MRLN: variants seen among roughly 807,000 people sequenced by gnomAD.
MRLN encodes the protein myoregulin, also known as Linc-RNA activator of myogenesis.
intron 1 of MRLN, among the ~76,000 whole-genome samples, chr10:59,746,765 A>G (rs963993146): frequency 1.3e-5 from 2 of 152,224 alleles, no homozygotes; most frequent in Non-Finnish European, 2.9e-5. Flanking sequence ...CCCAGATCAC[A>G]ACTGTGAGCT....
intron 1 of MRLN, among the ~76,000 whole-genome samples, chr10:59,746,763 A>G (rs1018111736): frequency 2.6e-5 from 4 of 152,244 alleles, no homozygotes; most frequent in Non-Finnish European, 5.9e-5. Context: ...TGCCCAGATC[A>G]CAACTGTGAG....
rs1256290272 is a variant in MRLN at position 59,737,072 on chromosome 10, C to G, written c.129G>C (p.Val43=). The G allele has an allele frequency of 2.5e-6, 1 of 396,678 alleles. No homozygotes were observed. The highest frequency in any genetic ancestry group is 2.1e-5 in the African/African-American group (1 of 48,540). The allele number at this position is 396,678 out of a possible 1,614,324, so 24.6% of individuals were successfully genotyped here. A position where few individuals can be genotyped will look rare whatever the true frequency, so the allele number is the denominator to read the frequency against. ...GGAAGTCAGCTTTCTAAGAAGTTATCACAACATATATAATAGAAATTAAGT... is the reference window on the plus strand; with the variant it reads ...GGAAGTCAGCTTTCTAAGAAGTTATGACAACATATATAATAGAAATTAAGT... The part of the protein sequence containing the change: ...FVDLISIIYV[V]ITS Residue 43 remains valine, a synonymous_variant, in exon 3 of 3, where the codon GTG becomes GTC. Transcript: ENST00000414264.
chr10:59,741,212 TC>T (rs1184821630), intron 1 of MRLN, among the ~76,000 whole-genome samples: 1 of 152,146 alleles, frequency 6.6e-6, no homozygotes, highest in Non-Finnish European at 1.5e-5. Context: ...TACAGGAATG[TC>T]CTAGGCCTTC....
intron 1 of MRLN, among the ~76,000 whole-genome samples, chr10:59,746,855 C>T (rs527465249): frequency 2.0e-5 from 3 of 152,300 alleles, no homozygotes; most frequent in East Asian, 1.9e-4. Context: ...TCCAATGGCA[C>T]GATGTCGGCT....
chr10:59,742,141 CA>C (rs1262906474), intron 1 of MRLN, among the ~76,000 whole-genome samples: 2 of 152,280 alleles, frequency 1.3e-5, no homozygotes, highest in Middle Eastern at 6.8e-3. Context: ...GACACATATC[CA>C]AACATTGTAA....
intron 1 of MRLN, among the ~76,000 whole-genome samples, chr10:59,744,534 A>G (rs1171589): frequency 0.94 from 141,660 of 150,474 alleles, 66,849 homozygotes; most frequent in East Asian, 1. Flanking sequence ...GAGGTGGGGG[A>G]GCGCGCCTCT....
At chr10:59,740,349 C>T (rs766904135) in intron 1 of MRLN, among the ~76,000 whole-genome samples, 2 of 152,108 alleles carry the variant, frequency 1.3e-5, no homozygotes, top group East Asian at 1.9e-4. Flanking sequence ...AGAGTGCACT[C>T]CTTGTCCTTA....
chr10:59,752,246 C>A (rs573473166), intron 1 of MRLN, among the ~76,000 whole-genome samples: 1 of 152,150 alleles, frequency 6.6e-6, no homozygotes, highest in Non-Finnish European at 1.5e-5. Context: ...CCATCAAAAA[C>A]CATATTTGGA....
At chr10:59,747,937 A>G (rs1841058952) in intron 1 of MRLN, among the ~76,000 whole-genome samples, 2 of 152,354 alleles carry the variant, frequency 1.3e-5, no homozygotes, top group South Asian at 4.1e-4. Context: ...CCCGGCAAAT[A>G]ATTTTAAAAA....
chr10:59,741,770 C>T (rs1189739545), intron 1 of MRLN, among the ~76,000 whole-genome samples: 8 of 152,190 alleles, frequency 5.3e-5, no homozygotes, highest in African/African-American at 1.9e-4. Context: ...ACCTTGAACT[C>T]CTGGGCTCAT....
At chr10:59,741,976 G>A (rs527327506) in intron 1 of MRLN, among the ~76,000 whole-genome samples, 1 of 152,250 alleles carries the variant, frequency 6.6e-6, no homozygotes, top group South Asian at 2.1e-4. Flanking sequence ...CTGGCCTCAG[G>A]TGGTCCTCCC....
chr10:59,750,020 T>C (rs972137696), intron 1 of MRLN, among the ~76,000 whole-genome samples: 1 of 150,130 alleles, frequency 6.7e-6, no homozygotes, highest in African/African-American at 2.4e-5. Context: ...ACTGTGTTTC[T>C]CTTCTCTTCA....
At chr10:59,747,876 T>C (rs1453591123) in intron 1 of MRLN, among the ~76,000 whole-genome samples, 1 of 152,214 alleles carries the variant, frequency 6.6e-6, no homozygotes, top group Non-Finnish European at 1.5e-5. Flanking sequence ...AAGTTCACTT[T>C]GTCCAAATGA....
intron 1 of MRLN, among the ~76,000 whole-genome samples, chr10:59,745,790 C>T (rs1003531884): frequency 6.6e-6 from 1 of 152,036 alleles, no homozygotes; most frequent in African/African-American, 2.4e-5. Context: ...TCATTGTATC[C>T]TCTGTTCTTC....
chr10:59,737,067 G>A lies in MRLN; in HGVS notation c.134C>T (p.Thr45Ile), dbSNP rs1031893721. ...GGAAAGGAAGTCAGCTTTCTAAGAA[G>A]TTATCACAACATATATAATAGAAAT... ...DLISIIYVVI[T>I]S The change falls in exon 3 of 3, where the codon ACT (threonine) becomes ATT (isoleucine). Residue 45 changes from threonine to isoleucine, a missense_variant. Transcript: ENST00000414264. 1 of 396,362 alleles carries A rather than the reference G, an allele frequency of 2.5e-6. No homozygotes were observed. The highest frequency in any genetic ancestry group is 2.1e-5 in the African/African-American group (1 of 48,536). The allele number at this position is 396,362 out of a possible 1,614,324, so 24.6% of individuals were successfully genotyped here.
Position 59,737,163 on chromosome 10 carries a change from G to A in MRLN, c.38C>T (p.Thr13Ile), listed in dbSNP as rs2132584569. 1 of 398,008 alleles carries A rather than the reference G, an allele frequency of 2.5e-6. No homozygotes were observed. The highest frequency in any genetic ancestry group is 4.4e-6 in the Non-Finnish European group (1 of 225,446). The allele number at this position is 398,008 out of a possible 1,614,324, so 24.7% of individuals were successfully genotyped here. Residue 13 changes from threonine (T) to isoleucine (I), a missense_variant, in exon 3 of 3, where the codon ACT becomes ATT. Transcript: ENST00000414264. Reference sequence around the variant, plus strand: ...AATTTCATCTTCTAGACTTTTGGGAGTAGTAGTAGAAATTAATATCCAGTT... The same window carrying A: ...AATTTCATCTTCTAGACTTTTGGGAATAGTAGTAGAAATTAATATCCAGTT... ...GKNWILISTT[T>I]PKSLEDEIVG...
chr10:59,738,143 T>C (rs1027995183), intron 2 of MRLN: 1 of 152,226 alleles, frequency 6.6e-6, no homozygotes, highest in Admixed American at 6.5e-5. Context: ...ATTGCTCCAT[T>C]CCTAGAGAAG....
intron 1 of MRLN, among the ~76,000 whole-genome samples, chr10:59,747,133 C>T (rs1027342140): frequency 2.6e-5 from 4 of 152,186 alleles, no homozygotes; most frequent in Non-Finnish European, 5.9e-5. Context: ...TTTTTATTAT[C>T]TTTTACTACC....
intron 1 of MRLN, 44 bp downstream of exon 1, chr10:59,753,310 T>G (rs1195619634): frequency 6.7e-6 from 1 of 149,378 alleles, no homozygotes; most frequent in Non-Finnish European, 1.5e-5. Context: ...CTTAAAATGC[T>G]ACATTAAAAA....
Sources: gnomAD v4.1 joint callset for allele counts (sites outside exome capture counted in the v4.1 genomes callset) on GRCh38, gnomAD v4.1.1 for gene constraint, MANE v1.5 for transcripts, NCBI Gene and HGNC (gene_info 2026-07-23, HGNC 2026-07-21) for gene names.